MAST4: variants seen among roughly 807,000 people sequenced by gnomAD.
MAST4 encodes the protein microtubule associated serine/threonine kinase family member 4.
A neutral mutation model predicts 162.7 loss-of-function variants in MAST4; 89 were observed. The observed-to-expected ratio is 0.55, with a 90% CI of 0.46 to 0.65. The LOEUF (loss-of-function observed/expected upper bound fraction) is 0.65, where lower values mean the gene tolerates loss of function less well. MAST4 is among the 30% of genes least tolerant of loss of function. The pLI is 0.00. For missense variants in MAST4, 3,153 were observed against 3,374.0 expected (o/e 0.93, Z 1.62); for synonymous variants, 1,479 against 1,361.1 (o/e 1.09, Z -1.91).
chr5:66,886,087 T>C (rs1762022292), intron 3 of MAST4, among the ~76,000 whole-genome samples: 1 of 152,172 alleles, frequency 6.6e-6, no homozygotes, highest in Non-Finnish European at 1.5e-5. Context: ...TGGCACTCAC[T>C]TTGGCATGCA....
intron 1 of MAST4, among the ~76,000 whole-genome samples, chr5:66,601,811 G>A (rs766418572): frequency 1.3e-4 from 20 of 152,174 alleles, no homozygotes; most frequent in Non-Finnish European, 2.5e-4. Flanking sequence ...AAGCAAAGAA[G>A]TGACATGATC....
chr5:66,915,033 T>G (rs1190645366), intron 4 of MAST4, among the ~76,000 whole-genome samples: 1 of 151,926 alleles, frequency 6.6e-6, no homozygotes. Flanking sequence ...GAGGCAGAGG[T>G]GGGTGGATCA....
chr5:66,801,773 A>C (rs2149697671), intron 3 of MAST4, among the ~76,000 whole-genome samples: 1 of 152,310 alleles, frequency 6.6e-6, no homozygotes, highest in African/African-American at 2.4e-5. Flanking sequence ...TATTGTGAGA[A>C]CTATTTCAAA....
At chr5:67,123,863 C>G (rs947221654) in intron 14 of MAST4, among the ~76,000 whole-genome samples, 2 of 152,126 alleles carry the variant, frequency 1.3e-5, no homozygotes, top group Non-Finnish European at 2.9e-5. Flanking sequence ...GGACATGTGC[C>G]AAAGAGGCGC....
Position 67,102,612 on chromosome 5 carries a change from G to A in MAST4, c.1146+1G>A, listed in dbSNP as rs1302779052. Reference sequence around the variant, plus strand: ...TGTCTACAAAGAAAGGTTCCCAAAGGTAATGAATTGAATTGAAGATGCCTA... The same window carrying A: ...TGTCTACAAAGAAAGGTTCCCAAAGATAATGAATTGAATTGAAGATGCCTA... On this transcript the variant is annotated splice_donor_variant, in intron 9 of 28. Coordinates refer to ENST00000403625, the MANE Select transcript of MAST4 (RefSeq NM_001164664.2). LOFTEE classifies it high-confidence loss of function. 1 of 1,611,192 alleles carries A rather than the reference G, an allele frequency of 6.2e-7. No individual in the cohort carries two copies. The highest frequency in any genetic ancestry group is 8.5e-7 in the Non-Finnish European group (1 of 1,177,334).
chr5:66,909,739 C>T (rs1024486435), intron 4 of MAST4, among the ~76,000 whole-genome samples: 8 of 152,068 alleles, frequency 5.3e-5, no homozygotes, highest in African/African-American at 1.7e-4. Context: ...TGTCTCCACC[C>T]AAATCTCATC....
chr5:67,019,144 T>C (rs989925655), intron 4 of MAST4, among the ~76,000 whole-genome samples: 10 of 152,148 alleles, frequency 6.6e-5, no homozygotes, highest in Non-Finnish European at 1.5e-4. Flanking sequence ...TAGAAATTTT[T>C]AAAAAACCTA....
rs1458706744 is a variant in MAST4 at position 67,164,043 on chromosome 5, G to A, written c.4864G>A (p.Asp1622Asn). The A allele has an allele frequency of 6.3e-7, 1 of 1,579,518 alleles. No individual in the cohort carries two copies. The highest frequency in any genetic ancestry group is 8.6e-7 in the Non-Finnish European group (1 of 1,162,520). The stretch of plus-strand genomic sequence containing the variant: ...GCGCGCCAGCGAGGGTGCGATGTCG[G>A]ATGGCCGGGTGCCTGCGGAGCACCG... The part of the protein sequence containing the change: ...SVRASEGAMS[D>N]GRVPAEHRQG... Residue 1622 changes from aspartate (D) to asparagine (N), a missense_variant, in exon 29 of 29, where the codon GAT (aspartate) becomes AAT (asparagine). Physicochemically the swap from Asp to Asn is conservative, Grantham distance 23. Coordinates refer to ENST00000403625, the MANE Select transcript of MAST4 (RefSeq NM_001164664.2). This position sits in a 1 kb window ranked among gnomAD's most constrained non-coding sequence, Gnocchi z 5.3.
intron 4 of MAST4, among the ~76,000 whole-genome samples, chr5:66,996,725 G>A (rs1750694441): frequency 6.6e-6 from 1 of 152,124 alleles, no homozygotes; most frequent in African/African-American, 2.4e-5. Flanking sequence ...TCATTTCAGT[G>A]CCACATTGCT....
In MAST4 at chr5:66,910,742, T is replaced by TTTG. The variant is rs1491543165; in HGVS notation, c.674+10762_674+10763insGTT. ...AATACACATGTGGTTTTTTTTTTTC[T>TTTG]TTTTTTTTTTTTCTTTTTTTTTTTT... On this transcript the variant is annotated intron_variant, in intron 4 of 28. Coordinates refer to ENST00000403625, the MANE Select transcript of MAST4 (RefSeq NM_001164664.2). Among the ~76,000 whole-genome samples the TTTG allele has an allele frequency of 3.3e-4, 8 of 23,906 alleles. No individual in the cohort carries two copies. In the South Asian group the frequency reaches 3.4e-3, roughly 10 times the overall value. 15.7% of individuals were successfully genotyped at this position (23,906 alleles called of 152,430 possible). A position where few individuals can be genotyped will look rare whatever the true frequency, so the allele number is the denominator to read the frequency against.
chr5:66,701,807 T>C (rs941920998), intron 1 of MAST4, among the ~76,000 whole-genome samples: 4 of 148,970 alleles, frequency 2.7e-5, no homozygotes, highest in Non-Finnish European at 5.9e-5. Flanking sequence ...ATCAACCTTA[T>C]AGGTTATAGG....
chr5:66,639,521 G>A (rs1033199794), intron 1 of MAST4, among the ~76,000 whole-genome samples: 6 of 152,042 alleles, frequency 3.9e-5, no homozygotes, highest in South Asian at 4.2e-4. Flanking sequence ...AACTATGTTC[G>A]GTGAAACTGT....
intron 3 of MAST4, among the ~76,000 whole-genome samples, chr5:66,894,477 C>G (rs570275817): frequency 6.6e-6 from 1 of 152,318 alleles, no homozygotes; most frequent in Non-Finnish European, 1.5e-5. Flanking sequence ...GTTGCCCCAG[C>G]TAGCTTTTAA....
chr5:66,918,516 TG>T (rs1764263751), intron 4 of MAST4, among the ~76,000 whole-genome samples: 1 of 152,224 alleles, frequency 6.6e-6, no homozygotes, highest in African/African-American at 2.4e-5. Context: ...TTAACTTAAT[TG>T]TTTTTACTGA....
intron 3 of MAST4, among the ~76,000 whole-genome samples, chr5:66,830,102 AGTT>A (rs1757503148): frequency 6.6e-6 from 1 of 152,182 alleles, no homozygotes; most frequent in Admixed American, 6.6e-5. Context: ...CTTTGGGGTC[AGTT>A]GTTAAATATG....
At chr5:66,843,548 A>G (rs1286170288) in intron 3 of MAST4, among the ~76,000 whole-genome samples, 1 of 152,184 alleles carries the variant, frequency 6.6e-6, no homozygotes, top group East Asian at 1.9e-4. Flanking sequence ...ATTTTCTGAT[A>G]CAGTCTTCAA....
Position 66,632,707 on chromosome 5 carries a change from TACTC to T in MAST4, c.363+35691_363+35694del, listed in dbSNP as rs1175948578. Among the ~76,000 whole-genome samples the T allele has an allele frequency of 3.3e-5, 5 of 152,318 alleles. No homozygotes were observed. The South Asian group carries it at 6.2e-4, about 19-fold the overall frequency. On this transcript the variant is annotated intron_variant, in intron 1 of 28. Coordinates refer to ENST00000403625, the MANE Select transcript of MAST4 (RefSeq NM_001164664.2). Reference sequence around the variant, plus strand: ...TATGGCTGATGTAGATACTTGGTAATACTCAGTATAAAATATTTTCAAGACTAAA... The same window carrying T: ...TATGGCTGATGTAGATACTTGGTAATAGTATAAAATATTTTCAAGACTAAA...
chr5:66,835,813 G>A (rs1757926616), intron 3 of MAST4, among the ~76,000 whole-genome samples: 1 of 152,176 alleles, frequency 6.6e-6, no homozygotes, highest in Admixed American at 6.5e-5. Context: ...TTTTACAGAT[G>A]TGGACATGGA....
intron 1 of MAST4, among the ~76,000 whole-genome samples, chr5:66,613,090 A>C (rs1413906094): frequency 6.6e-6 from 1 of 152,138 alleles, no homozygotes; most frequent in East Asian, 1.9e-4. Context: ...TAATATATTT[A>C]TATTTAAATA....
Sources: gnomAD v4.1 joint callset for allele counts (sites outside exome capture counted in the v4.1 genomes callset) on GRCh38, gnomAD v4.1.1 for gene constraint, Gnocchi (gnomAD v3.1) non-coding constraint, MANE v1.5 for transcripts, NCBI Gene and HGNC (gene_info 2026-07-23, HGNC 2026-07-21) for gene names.